The following ALK variants were observed in gnomAD, a reference collection of about 807,000 sequenced individuals.
The protein encoded by ALK is ALK tyrosine kinase receptor.
ALK carries 74 observed loss-of-function variants against 163.1 expected under a neutral mutation model. That is an observed-to-expected ratio of 0.45 (90% CI 0.38 to 0.55). The LOEUF is 0.55. ALK is among the 20% of genes least tolerant of loss of function. The probability of loss-of-function intolerance (pLI) is 0.00; values close to 1 mark genes in which losing one functional copy is unlikely to be tolerated. For synonymous variants in ALK, 960 were observed against 843.2 expected, an observed-to-expected ratio of 1.14 and a Z score of -2.40; for missense variants, 2,063 against 2,105.3, an observed-to-expected ratio of 0.98 and a Z score of 0.39.
intron 3 of ALK, among the ~76,000 whole-genome samples, chr2:29,558,471 C>T (rs1235608256): frequency 6.6e-6 from 1 of 152,118 alleles, no homozygotes; most frequent in Non-Finnish European, 1.5e-5. Flanking sequence ...TGGCCCACCT[C>T]CCAACCCACA....
intron 3 of ALK, among the ~76,000 whole-genome samples, chr2:29,674,473 A>G (rs1677810997): frequency 6.7e-6 from 1 of 149,472 alleles, no homozygotes; most frequent in African/African-American, 2.4e-5. Context: ...ATGCTGGATT[A>G]CATTTATTGA....
At chr2:29,742,103 C>T (rs868375938) in intron 1 of ALK, among the ~76,000 whole-genome samples, 37 of 152,392 alleles carry the variant, frequency 2.4e-4, no homozygotes, top group Admixed American at 1.2e-3. Context: ...GCCTTCGCTT[C>T]TATTCAGCCT....
intron 4 of ALK, among the ~76,000 whole-genome samples, chr2:29,450,112 G>A (rs777121096): frequency 5.3e-5 from 8 of 152,114 alleles, no homozygotes; most frequent in Non-Finnish European, 1.0e-4. Flanking sequence ...TCCTGTGACC[G>A]CAGGGAAAGA....
At chr2:29,853,216 C>T (rs184658973) in intron 1 of ALK, among the ~76,000 whole-genome samples, 8 of 152,222 alleles carry the variant, frequency 5.3e-5, no homozygotes, top group African/African-American at 9.6e-5. Context: ...CTCTCCACTC[C>T]CCAGCTTCTG....
At chr2:29,251,038 T>C (rs2148197031) in intron 12 of ALK, 67 bp downstream of exon 12, 7 of 1,543,708 alleles carry the variant, frequency 4.5e-6, no homozygotes, top group East Asian at 4.7e-5. Context: ...CATGCACCCA[T>C]AGGCAAGACT....
chr2:29,309,450 T>C (rs1261417717), intron 8 of ALK, among the ~76,000 whole-genome samples: 3 of 152,180 alleles, frequency 2.0e-5, no homozygotes, highest in African/African-American at 4.8e-5. Context: ...GGGAGAGGTA[T>C]TAGTTGTGAA....
intron 3 of ALK, among the ~76,000 whole-genome samples, chr2:29,540,395 G>A (rs918810613): frequency 1.3e-5 from 2 of 152,002 alleles, no homozygotes; most frequent in African/African-American, 4.8e-5. Context: ...TCTAATCTTA[G>A]ATTCCTTGTA....
rs200212200 is a variant in ALK, at chr2:29,920,541, G to A, written c.119C>T (p.Pro40Leu). 2.0e-5 allele frequency: 32 copies of A among 1,607,456 alleles called. No individual in the cohort carries two copies. The highest frequency in any genetic ancestry group is 2.5e-5 in the Non-Finnish European group (29 of 1,178,192). The change falls in exon 1 of 29, where the codon CCC becomes CTC. Residue 40 changes from proline to leucine, a missense_variant. Coordinates refer to ENST00000389048, the MANE Select transcript of ALK (RefSeq NM_004304.5). ...GSPAAGPPLQ[P>L]REPLSYSRLQ... is the part of the protein sequence containing the mutation. ...GCGCGAGTAGCTGAGTGGCTCCCGG[G>A]GCTGCAGCGGCGGCCCCGCAGCTGG...
intron 12 of ALK, among the ~76,000 whole-genome samples, chr2:29,249,064 C>A (rs1339850194): frequency 6.6e-6 from 1 of 152,218 alleles, no homozygotes; most frequent in Non-Finnish European, 1.5e-5. Context: ...TTTACAGCCC[C>A]TGCCACTTAC....
intron 1 of ALK, among the ~76,000 whole-genome samples, chr2:29,909,302 G>C (rs563615345): frequency 6.6e-6 from 1 of 152,322 alleles, no homozygotes; most frequent in South Asian, 2.1e-4. Flanking sequence ...TTTTTGCCTA[G>C]AGGCATTTAC....
chr2:29,531,222 C>T (rs572621939), intron 4 of ALK, among the ~76,000 whole-genome samples: 23 of 152,282 alleles, frequency 1.5e-4, no homozygotes, highest in South Asian at 1.0e-3. Flanking sequence ...GGTCCCTCAA[C>T]GCTGAGGTCA....
In ALK at chr2:29,228,936, G is replaced by GA; in HGVS notation, c.2762dup (p.Gly922ArgfsTer26). On this transcript the variant is annotated frameshift_variant, in exon 16 of 29. Coordinates refer to ENST00000389048, the MANE Select transcript of ALK (RefSeq NM_004304.5). LOFTEE classifies it high-confidence loss of function. ...AGGAGCACCCCCCTCCACCCCCTCC[G>GA]AAACCCCCTCTTGTCTCCCACCCCC... The GA allele has an allele frequency of 2.0e-6, 1 of 494,838 alleles. No individual in the cohort carries two copies. The highest frequency in any genetic ancestry group is 3.6e-5 in the Admixed American group (1 of 27,510). 30.7% of individuals were successfully genotyped at this position (494,838 alleles called of 1,614,324 possible).
chr2:29,427,369 CAT>C (rs1461411555), intron 4 of ALK, among the ~76,000 whole-genome samples: 1 of 151,768 alleles, frequency 6.6e-6, no homozygotes, highest in Non-Finnish European at 1.5e-5. Context: ...AAGTTTATAA[CAT>C]GTATAGTTGT....
At chr2:29,705,480 C>A (rs543373890) in intron 2 of ALK, among the ~76,000 whole-genome samples, 11 of 151,612 alleles carry the variant, frequency 7.3e-5, no homozygotes, top group African/African-American at 2.7e-4. Flanking sequence ...TTGGAGGACC[C>A]AGGGAGAAGC....
chr2:29,616,772 C>T (rs974369613), intron 3 of ALK, among the ~76,000 whole-genome samples: 17 of 152,166 alleles, frequency 1.1e-4, no homozygotes, highest in Non-Finnish European at 2.9e-5. Flanking sequence ...TCCTGATAAG[C>T]ATCTGTAGCC....
At chr2:29,567,817 A>G (rs1277058554) in intron 3 of ALK, among the ~76,000 whole-genome samples, 1 of 152,198 alleles carries the variant, frequency 6.6e-6, no homozygotes, top group East Asian at 1.9e-4. Flanking sequence ...CATTTTCCTG[A>G]TTCATTCTGC....
At chr2:29,475,411 C>A (rs976052285) in intron 4 of ALK, among the ~76,000 whole-genome samples, 1 of 152,188 alleles carries the variant, frequency 6.6e-6, no homozygotes, top group African/African-American at 2.4e-5. Flanking sequence ...CAAGGTCACA[C>A]GGCGTAGGTG....
intron 5 of ALK, among the ~76,000 whole-genome samples, chr2:29,334,424 GT>G (rs1355705671): frequency 6.6e-6 from 1 of 152,194 alleles, no homozygotes; most frequent in Non-Finnish European, 1.5e-5. Context: ...GCTCCGAGTG[GT>G]TAGTGGCTGG....
intron 4 of ALK, among the ~76,000 whole-genome samples, chr2:29,415,607 G>A (rs535639834): frequency 1.3e-5 from 2 of 152,258 alleles, no homozygotes; most frequent in South Asian, 2.1e-4. Context: ...AAGCTATGAC[G>A]ATTAATTTTA....
Sources: gnomAD v4.1 joint callset for allele counts (sites outside exome capture counted in the v4.1 genomes callset) on GRCh38, gnomAD v4.1.1 for gene constraint, MANE v1.5 for transcripts, NCBI Gene and HGNC (gene_info 2026-07-23, HGNC 2026-07-21) for gene names.